The following ARHGAP32 variants were observed in gnomAD, a reference collection of about 807,000 sequenced individuals.
The protein encoded by ARHGAP32 is Rho GTPase activating protein 32.
ARHGAP32 carries 51 observed loss-of-function variants against 186.5 expected under a neutral mutation model. The observed-to-expected ratio is 0.27, with a 90% CI of 0.22 to 0.35. ARHGAP32 has a LOEUF of 0.35. Among genes scored for constraint, ARHGAP32 ranks in the 10% least tolerant of loss-of-function variants. The probability of loss-of-function intolerance (pLI) is 1.00; values close to 1 mark genes in which losing one functional copy is unlikely to be tolerated. For missense variants in ARHGAP32, 2,186 were observed against 2,623.5 expected, an observed-to-expected ratio of 0.83 and a Z score of 3.64; for synonymous variants, 950 against 964.3, an observed-to-expected ratio of 0.99 and a Z score of 0.27.
At chr11:129,263,934 A>T (rs1332085260) in intron 1 of ARHGAP32, among the ~76,000 whole-genome samples, 1 of 152,198 alleles carries the variant, frequency 6.6e-6, no homozygotes, top group Non-Finnish European at 1.5e-5. Flanking sequence ...AGGTATTTGC[A>T]TACTCATGTT....
intron 11 of ARHGAP32, among the ~76,000 whole-genome samples, chr11:129,017,215 G>A (rs1938388754): frequency 6.6e-6 from 1 of 152,040 alleles, no homozygotes; most frequent in Admixed American, 6.6e-5. Context: ...CAGCACTTTG[G>A]GAGGCCAAGG....
chr11:129,269,908 T>C (rs1945453696), intron 1 of ARHGAP32, among the ~76,000 whole-genome samples: 1 of 152,158 alleles, frequency 6.6e-6, no homozygotes, highest in Non-Finnish European at 1.5e-5. Context: ...TCTCATTCAC[T>C]ATTGGTGAGG....
intron 11 of ARHGAP32, among the ~76,000 whole-genome samples, chr11:129,033,510 C>T (rs1939199041): frequency 6.6e-6 from 1 of 152,194 alleles, no homozygotes; most frequent in Non-Finnish European, 1.5e-5. Context: ...CTTTACAACT[C>T]CTTTGTCAGA....
At chr11:129,264,100 C>T (rs537916484) in intron 1 of ARHGAP32, among the ~76,000 whole-genome samples, 1 of 152,214 alleles carries the variant, frequency 6.6e-6, no homozygotes, top group African/African-American at 2.4e-5. Context: ...CATAGATGAA[C>T]CTTGAGGACA....
At chr11:129,085,776 G>T (rs1361519015) in intron 6 of ARHGAP32, among the ~76,000 whole-genome samples, 1 of 152,060 alleles carries the variant, frequency 6.6e-6, no homozygotes, top group Admixed American at 6.6e-5. Flanking sequence ...GGCTGAGACG[G>T]GCAGCAGGAG....
Position 129,258,833 on chromosome 11 carries a change from T to TTCAGCACATTCA in ARHGAP32, c.-5+20312_-5+20313insTGAATGTGCTGA, listed in dbSNP as rs57976132. Among the ~76,000 whole-genome samples the TTCAGCACATTCA allele has an allele frequency of 2.0e-5, 3 of 151,976 alleles. No individual in the cohort carries two copies. The South Asian group carries it at 6.2e-4, about 31-fold the overall frequency. ...GATAAATCAGTATTTTAACACATAC[T>TTCAGCACATTCA]GGAAAGTTAATAGTCAACCACTTTT... On this transcript the variant is annotated intron_variant, in intron 1 of 6. Coordinates refer to the ARHGAP32 transcript ENST00000525234.
chr11:128,973,313 C>A lies in ARHGAP32; in HGVS notation c.3193G>T (p.Ala1065Ser). ...RMLALALAES[A>S]QQASTQSLKR... The stretch of plus-strand genomic sequence containing the variant: ...AATGACTGAGTTGAGGCTTGCTGTG[C>A]GGACTCAGCTAATGCTAGCGCCAAC... Residue 1065 changes from alanine to serine, a missense_variant, in exon 22 of 23, where the codon GCA becomes TCA. By Grantham distance (99) the Ala-to-Ser change is moderately conservative. Transcript: ENST00000682385. The A allele has an allele frequency of 2.5e-6, 4 of 1,614,100 alleles. No individual in the cohort carries two copies. In the Middle Eastern group the frequency reaches 5.0e-4, roughly 200 times the overall value.
At chr11:129,052,008 C>T (rs796772008) in intron 10 of ARHGAP32, among the ~76,000 whole-genome samples, 8 of 142,822 alleles carry the variant, frequency 5.6e-5, no homozygotes, top group African/African-American at 2.1e-4. Context: ...TCCAAAGCCA[C>T]AAAAGTTTTC....
chr11:129,172,448 C>A lies in ARHGAP32; in HGVS notation c.117-8021G>T, dbSNP rs1415575060. On this transcript the variant is annotated intron_variant, in intron 1 of 22. Coordinates refer to ENST00000682385, the MANE Select transcript of ARHGAP32 (RefSeq NM_001378024.1). ...TAATCATGTGGTTTTGTCTTTGGTT[C>A]TGAAGTCTACAGAACTCTCTACCCC... is the stretch of plus-strand genomic sequence containing the variant. 2.6e-5 allele frequency among the ~76,000 whole-genome samples: 4 copies of A among 152,060 alleles called. No homozygotes were observed. In the East Asian group the frequency reaches 7.7e-4, roughly 29 times the overall value.
rs545855179 is a variant in ARHGAP32 at position 129,027,486 on chromosome 11, C to T, written c.1045+13442G>A. ...CTTGACCTCATCTTATGTCTTCACC[C>T]ACTGCTCTAGCCAACCTGGCCTTCC... On this transcript the variant is annotated intron_variant, in intron 11 of 22. Coordinates refer to ENST00000682385, the MANE Select transcript of ARHGAP32 (RefSeq NM_001378024.1). Among the ~76,000 whole-genome samples the T allele has an allele frequency of 1.1e-4, 16 of 152,292 alleles. No individual in the cohort carries two copies. The South Asian group carries it at 3.3e-3, about 32-fold the overall frequency.
At chr11:129,251,518 T>C (rs989788400) in intron 1 of ARHGAP32, among the ~76,000 whole-genome samples, 1 of 152,170 alleles carries the variant, frequency 6.6e-6, no homozygotes, top group African/African-American at 2.4e-5. Flanking sequence ...TAACATGACA[T>C]ATTTGACAGA....
intron 6 of ARHGAP32, among the ~76,000 whole-genome samples, chr11:129,069,565 G>C (rs1940805445): frequency 6.6e-6 from 1 of 152,014 alleles, no homozygotes; most frequent in Admixed American, 6.6e-5. Flanking sequence ...TCAGCTAAAA[G>C]TTAATATATC....
intron 6 of ARHGAP32, among the ~76,000 whole-genome samples, chr11:129,078,419 C>T (rs772844678): frequency 1.3e-5 from 2 of 152,176 alleles, no homozygotes; most frequent in Non-Finnish European, 2.9e-5. Flanking sequence ...CAAAAGATCA[C>T]GTCAGCTCAC....
chr11:129,264,150 A>G (rs1945361230), intron 1 of ARHGAP32, among the ~76,000 whole-genome samples: 1 of 152,212 alleles, frequency 6.6e-6, no homozygotes, highest in South Asian at 2.1e-4. Flanking sequence ...AAAGACAAAT[A>G]TTGTACAGTA....
rs1403705199 is a variant in ARHGAP32, at chr11:129,123,443, T to C, written c.444+3A>G. The stretch of plus-strand genomic sequence containing the variant: ...TCAAGATGTAAGAAATATTTCAGTA[T>C]ACCTGTATGCTGCCGAACTCAACAT... On this transcript the variant is annotated splice_donor_region_variant and intron_variant, in intron 5 of 22. Coordinates refer to ENST00000682385, the MANE Select transcript of ARHGAP32 (RefSeq NM_001378024.1). This position sits in a 1 kb window ranked among gnomAD's most constrained non-coding sequence, Gnocchi z 4.6. The C allele has an allele frequency of 3.1e-6, 5 of 1,609,832 alleles. No homozygotes were observed. The East Asian group carries it at 6.7e-5, about 22-fold the overall frequency.
chr11:129,212,544 T>C (rs549548722), intron 1 of ARHGAP32, among the ~76,000 whole-genome samples: 55 of 152,208 alleles, frequency 3.6e-4, no homozygotes, highest in Non-Finnish European at 6.9e-4. Flanking sequence ...ATACTAACTA[T>C]ACTGCTTAAT....
chr11:129,012,956 C>T (rs549159703), intron 11 of ARHGAP32, among the ~76,000 whole-genome samples: 21 of 152,312 alleles, frequency 1.4e-4, no homozygotes, highest in Non-Finnish European at 2.9e-5. Flanking sequence ...ACAAACTCTA[C>T]TACACAATAA....
At chr11:129,191,391 T>C (rs541101257) in intron 1 of ARHGAP32, among the ~76,000 whole-genome samples, 2 of 152,062 alleles carry the variant, frequency 1.3e-5, no homozygotes, top group Non-Finnish European at 2.9e-5. Context: ...GAATGAAACA[T>C]TGGTTCTGTT....
intron 10 of ARHGAP32, among the ~76,000 whole-genome samples, chr11:129,061,307 T>A (rs757098227): frequency 3.9e-5 from 6 of 152,188 alleles, no homozygotes; most frequent in Non-Finnish European, 8.8e-5. Flanking sequence ...GTCTAATAGA[T>A]GTTATTATCA....
Sources: allele counts gnomAD v4.1 joint callset (sites outside exome capture counted in the v4.1 genomes callset), GRCh38; gene constraint gnomAD v4.1.1; non-coding constraint Gnocchi (gnomAD v3.1); transcripts MANE v1.5; gene names NCBI Gene and HGNC (gene_info 2026-07-23, HGNC 2026-07-21).